CAST: variants seen among roughly 807,000 people sequenced by gnomAD.
CAST encodes the protein calpastatin.
In CAST, 76 loss-of-function variants were observed where a neutral mutation model predicts 119.6. That is an observed-to-expected ratio of 0.64 (90% CI 0.53 to 0.77). The LOEUF is 0.77. Ranked by LOEUF, CAST falls within the 30% of genes least tolerant of loss-of-function variation. The pLI, the probability that CAST is intolerant of heterozygous loss-of-function variation, is 0.00. For missense variants in CAST, 953 were observed against 946.5 expected, an observed-to-expected ratio of 1.01 and a Z score of -0.09; for synonymous variants, 319 against 331.6, an observed-to-expected ratio of 0.96 and a Z score of 0.41.
the CAST span, among the ~76,000 whole-genome samples, chr5:96,414,263 A>G: frequency 6.6e-6 from 1 of 152,162 alleles, no homozygotes; most frequent in Non-Finnish European, 1.5e-5. Context: ...GCTCATGTGC[A>G]TTCATGATAG....
the CAST span, among the ~76,000 whole-genome samples, chr5:96,193,759 A>G: frequency 6.6e-6 from 1 of 152,236 alleles, no homozygotes; most frequent in African/African-American, 2.4e-5. Context: ...TCCAAACATC[A>G]AAATAACATC....
chr5:96,591,191 CAG>C (rs1389795720), intron 1 of CAST, among the ~76,000 whole-genome samples: 1 of 152,202 alleles, frequency 6.6e-6, no homozygotes, highest in Admixed American at 6.5e-5. Context: ...ACTTATGAAA[CAG>C]ATGTCAGCCT....
intron 2 of CAST, among the ~76,000 whole-genome samples, chr5:96,693,882 TG>T (rs1262086559): frequency 1.3e-5 from 2 of 152,034 alleles, no homozygotes; most frequent in East Asian, 3.9e-4. Flanking sequence ...TTTCTTTCCT[TG>T]GTTGATGGTA....
chr5:96,343,910 A>G, the CAST span, among the ~76,000 whole-genome samples: 1 of 152,180 alleles, frequency 6.6e-6, no homozygotes, highest in East Asian at 1.9e-4. Flanking sequence ...AGTCTCCTTC[A>G]GCTGGAAGAT....
the CAST span, among the ~76,000 whole-genome samples, chr5:96,143,602 A>T: frequency 6.6e-6 from 1 of 152,220 alleles, no homozygotes; most frequent in Non-Finnish European, 1.5e-5. Flanking sequence ...ATATATGTTT[A>T]TTGAATGGAT....
At chr5:95,967,416 T>TTTAAA in the CAST span, among the ~76,000 whole-genome samples, 3 of 144,514 alleles carry the variant, frequency 2.1e-5, no homozygotes, top group Non-Finnish European at 4.5e-5. Context: ...GACCCTATCT[T>TTTAAA]TAAATAAATA....
intron 2 of CAST, among the ~76,000 whole-genome samples, chr5:96,686,975 C>T (rs765710199): frequency 3.9e-5 from 6 of 152,120 alleles, no homozygotes; most frequent in Non-Finnish European, 8.8e-5. Context: ...ACATCATTCT[C>T]AAATATTGCA....
At chr5:96,075,237 A>C in the CAST span, among the ~76,000 whole-genome samples, 1 of 152,198 alleles carries the variant, frequency 6.6e-6, no homozygotes. Flanking sequence ...CCATGAAATG[A>C]TTCAGTTCTG....
chr5:96,573,076 G>A (rs1271223532), intron 1 of CAST, among the ~76,000 whole-genome samples: 1 of 152,218 alleles, frequency 6.6e-6, no homozygotes, highest in Non-Finnish European at 1.5e-5. Flanking sequence ...AAGGAGCAAT[G>A]CATGATGTAA....
At chr5:96,444,295 G>A in the CAST span, among the ~76,000 whole-genome samples, 1 of 152,150 alleles carries the variant, frequency 6.6e-6, no homozygotes, top group Non-Finnish European at 1.5e-5. Context: ...TCACTGTATT[G>A]GTGATGGAAG....
At chr5:96,123,033 T>C in the CAST span, among the ~76,000 whole-genome samples, 1 of 152,172 alleles carries the variant, frequency 6.6e-6, no homozygotes, top group Non-Finnish European at 1.5e-5. Context: ...AGGCATTCTA[T>C]ACATGCTTAA....
the CAST span, among the ~76,000 whole-genome samples, chr5:96,258,881 T>C: frequency 1.3e-5 from 2 of 152,220 alleles, no homozygotes; most frequent in Admixed American, 1.3e-4. Flanking sequence ...TACAATCTTA[T>C]ATGATGAGTT....
At chr5:96,506,266 T>C in the CAST span, among the ~76,000 whole-genome samples, 1 of 152,210 alleles carries the variant, frequency 6.6e-6, no homozygotes, top group Non-Finnish European at 1.5e-5. Context: ...CTGAAGAGAT[T>C]CTTGGTTCAT....
At chr5:96,733,397 G>A (rs190224475) in intron 9 of CAST, among the ~76,000 whole-genome samples, 78 of 152,264 alleles carry the variant, frequency 5.1e-4, no homozygotes, top group African/African-American at 1.8e-3. Context: ...GATTAGGCCC[G>A]CTAAAATAGA....
rs1348064627 is a variant in CAST at position 96,680,904 on chromosome 5, C to CA, written c.138+5304dup. On this transcript the variant is annotated intron_variant, in intron 2 of 31. Coordinates refer to ENST00000675179, the MANE Select transcript of CAST (RefSeq NM_001750.7). ...AGTTGTGGGGAGTCGATTGTGGCTGCACAAGCTCATGTCTCAGTGCCAAGA... is the reference window on the plus strand; with the variant it reads ...AGTTGTGGGGAGTCGATTGTGGCTGCAACAAGCTCATGTCTCAGTGCCAAGA... Among the ~76,000 whole-genome samples, 3 of 152,214 alleles carry CA rather than the reference C, an allele frequency of 2.0e-5. No homozygotes were observed. The East Asian group carries it at 5.8e-4, about 29-fold the overall frequency.
At chr5:96,639,730 G>A (rs766545182) in intron 1 of CAST, among the ~76,000 whole-genome samples, 1 of 152,182 alleles carries the variant, frequency 6.6e-6, no homozygotes, top group Non-Finnish European at 1.5e-5. Context: ...CTTTTGATCC[G>A]ACAGCTGAGA....
the CAST span, chr5:96,213,718 A>G: frequency 2.0e-5 from 3 of 152,112 alleles, no homozygotes; most frequent in Non-Finnish European, 4.4e-5. Flanking sequence ...TTGAATCCAG[A>G]AGTTCAATGC....
At position 96,767,998 on chromosome 5, in the gene CAST, A is replaced by G. The variant is rs1256882178; in HGVS notation, c.2267A>G (p.Lys756Arg). ...ACAGAAACCTCACAGAACACAGCAA[A>G]GGTACTGTGCTTTTTCACATTTCAC... is the stretch of plus-strand genomic sequence containing the variant. ...STTETSQNTAKDKCKKAASSS... is the reference protein window; with the variant it reads ...STTETSQNTARDKCKKAASSS... Residue 756 changes from lysine (K) to arginine (R), a missense_variant and splice_region_variant, in exon 29 of 32, where the codon AAG becomes AGG. Physicochemically the swap from Lys to Arg is conservative, Grantham distance 26. Coordinates refer to ENST00000675179, the MANE Select transcript of CAST (RefSeq NM_001750.7). 1 of 1,597,068 alleles carries G rather than the reference A, an allele frequency of 6.3e-7. No individual in the cohort carries two copies. The highest frequency in any genetic ancestry group is 1.1e-5 in the South Asian group (1 of 90,730).
chr5:95,990,334 G>A, the CAST span, among the ~76,000 whole-genome samples: 2 of 151,890 alleles, frequency 1.3e-5, no homozygotes, highest in South Asian at 2.1e-4. Context: ...GGAGATATAG[G>A]GAGTTTAAAC....
Sources: allele counts gnomAD v4.1 joint callset (sites outside exome capture counted in the v4.1 genomes callset), GRCh38; gene constraint gnomAD v4.1.1; transcripts MANE v1.5; gene names NCBI Gene and HGNC (gene_info 2026-07-23, HGNC 2026-07-21).